PCDHGA1: variants seen among roughly 807,000 people sequenced by gnomAD.
PCDHGA1 encodes protocadherin gamma-A1.
A neutral mutation model predicts 58.0 loss-of-function variants in PCDHGA1; 32 were observed. That is an observed-to-expected ratio of 0.55 (90% confidence interval 0.42 to 0.74). The LOEUF is 0.74. PCDHGA1 is among the 30% of genes least tolerant of loss of function. PCDHGA1 has a pLI of 0.00. For synonymous variants in PCDHGA1, 498 were observed against 501.1 expected, an observed-to-expected ratio of 0.99 and a Z score of 0.08; for missense variants, 1,205 against 1,182.3, an observed-to-expected ratio of 1.02 and a Z score of -0.28.
chr5:141,421,965 C>T (rs775450008), intron 1 of PCDHGA1: 3 of 1,610,242 alleles, frequency 1.9e-6, no homozygotes, highest in Non-Finnish European at 2.5e-6. Context: ...TTACACAGTC[C>T]GTATATCGCG....
chr5:141,383,853 G>A (rs942698942), intron 1 of PCDHGA1: 7 of 1,613,828 alleles, frequency 4.3e-6, no homozygotes, highest in African/African-American at 2.7e-5. Flanking sequence ...ATGAAATGGA[G>A]GTTCAGGCTC....
Position 141,388,997 on chromosome 5 carries a change from C to G in PCDHGA1, c.2421+55892C>G. On this transcript the variant is annotated intron_variant, in intron 1 of 3. Transcript: ENST00000517417. ...ATATTGCTTTGCTCAAAGTCCGTGA[C>G]AAGGATTCCAGACACAATGGAGAAG... The G allele has an allele frequency of 1.9e-6, 3 of 1,613,968 alleles. No individual in the cohort carries two copies. The highest frequency in any genetic ancestry group is 2.5e-6 in the Non-Finnish European group (3 of 1,179,880).
intron 1 of PCDHGA1, chr5:141,355,392 C>T (rs1039208942): frequency 1.9e-5 from 30 of 1,614,084 alleles, no homozygotes; most frequent in Non-Finnish European, 2.5e-5. Flanking sequence ...AGCGCGGAGT[C>T]CGCATCGTCT....
intron 1 of PCDHGA1, chr5:141,341,124 G>C (rs780403624): frequency 3.7e-6 from 6 of 1,614,094 alleles, no homozygotes; most frequent in South Asian, 1.1e-5. Flanking sequence ...AGGCTGCGGC[G>C]CTGGCACAAG....
intron 1 of PCDHGA1, among the ~76,000 whole-genome samples, chr5:141,482,791 G>T (rs1039924143): frequency 2.6e-5 from 4 of 152,168 alleles, no homozygotes; most frequent in African/African-American, 9.7e-5. Flanking sequence ...TGTGTGTGTG[G>T]CCGGGTACGG....
chr5:141,408,058 G>A, intron 1 of PCDHGA1: 1 of 1,316,270 alleles, frequency 7.6e-7, no homozygotes. Flanking sequence ...GAGCCTCCCG[G>A]CTGCGCAGAC....
Position 141,383,339 on chromosome 5 carries a change from C to T in PCDHGA1, c.2421+50234C>T, listed in dbSNP as rs1244023518. ...AATGTAAAAATAATGGAGAATACAG[C>T]TCCTGGGGTTCGGTTTCCGTTAAGC... On this transcript the variant is annotated intron_variant, in intron 1 of 3. Transcript: ENST00000517417. The T allele has an allele frequency of 3.7e-6, 6 of 1,614,014 alleles. No homozygotes were observed. The highest frequency in any genetic ancestry group is 3.3e-5 in the Admixed American group (2 of 60,036).
intron 2 of PCDHGA1, among the ~76,000 whole-genome samples, chr5:141,504,948 T>C (rs1044527570): frequency 2.0e-5 from 3 of 152,080 alleles, no homozygotes; most frequent in Admixed American, 1.3e-4. Flanking sequence ...GAATGCACTA[T>C]GTTCAATGCA....
Position 141,477,426 on chromosome 5 carries a change from T to G in PCDHGA1, c.2422-17381T>G. 1 of 1,614,100 alleles carries G rather than the reference T, an allele frequency of 6.2e-7. No individual in the cohort carries two copies. Among genetic ancestry groups the G allele is most frequent in the East Asian group, 2.2e-5 (1 of 44,874 alleles). The stretch of plus-strand genomic sequence containing the variant: ...GCCCGAGACGCCGGAACCCCTTCCC[T>G]CTCAGCCCTTACAATAGTGCGTGTT... On this transcript the variant is annotated intron_variant, in intron 1 of 3. Coordinates refer to ENST00000517417, the MANE Select transcript of PCDHGA1 (RefSeq NM_018912.3). The surrounding 1 kb of genome is among the most constrained non-coding windows in gnomAD (Gnocchi z 4.9).
Position 141,485,784 on chromosome 5 carries a change from A to G in PCDHGA1, c.2422-9023A>G, listed in dbSNP as rs760859851. The G allele has an allele frequency of 1.9e-6, 3 of 1,614,096 alleles. No individual in the cohort carries two copies. The African/African-American group carries it at 4.0e-5, about 22-fold the overall frequency. On this transcript the variant is annotated intron_variant, in intron 1 of 3. Transcript: ENST00000517417. This position sits in a 1 kb window ranked among gnomAD's most constrained non-coding sequence, Gnocchi z 5.7. Reference sequence around the variant, plus strand: ...CTGGAGAAGCCTTTGGATCGAGAGAAGCAATCGGACTACCGCCTGGTGCTG... The same window carrying G: ...CTGGAGAAGCCTTTGGATCGAGAGAGGCAATCGGACTACCGCCTGGTGCTG...
intron 1 of PCDHGA1, chr5:141,408,227 C>G (rs771279344): frequency 1.9e-6 from 3 of 1,562,978 alleles, no homozygotes; most frequent in East Asian, 2.4e-5. Context: ...CGCGCAGAGG[C>G]GCCGGGCCGG....
chr5:141,398,905 A>G lies in PCDHGA1; in HGVS notation c.2421+65800A>G, dbSNP rs200564636. ...TCGGGAAAACGTGCCACCAGGCACC[A>G]CTGTGTTGCAAGTGTCAGCCACTGA... On this transcript the variant is annotated intron_variant, in intron 1 of 3. Coordinates refer to ENST00000517417, the MANE Select transcript of PCDHGA1 (RefSeq NM_018912.3). 1.2e-3 allele frequency: 1,935 copies of G among 1,613,984 alleles called. 4 individuals carry two copies. Among genetic ancestry groups the G allele is most frequent in the Middle Eastern group, 3.5e-3 (21 of 6,062 alleles).
Position 141,375,514 on chromosome 5 carries a change from G to A in PCDHGA1, c.2421+42409G>A, listed in dbSNP as rs1345928950. On this transcript the variant is annotated intron_variant, in intron 1 of 3. Transcript: ENST00000517417. The stretch of plus-strand genomic sequence containing the variant: ...CCTCCATCTTCTCTGTGAATGCACT[G>A]GACCCTGACGTGGACCAGAACGCCC... 3.1e-6 allele frequency: 5 copies of A among 1,613,836 alleles called. No homozygotes were observed. In the African/African-American group the frequency reaches 4.0e-5, roughly 13 times the overall value.
At chr5:141,399,856 G>A (rs1391939612) in intron 1 of PCDHGA1, 1 of 1,612,894 alleles carries the variant, frequency 6.2e-7, no homozygotes, top group Non-Finnish European at 8.5e-7. Flanking sequence ...GGTGCCGCGC[G>A]CTGCAGAGCC....
intron 1 of PCDHGA1, among the ~76,000 whole-genome samples, chr5:141,470,151 CT>C (rs746135943): frequency 7.2e-5 from 11 of 152,164 alleles, no homozygotes; most frequent in Non-Finnish European, 1.6e-4. Flanking sequence ...CATAGATCAT[CT>C]TATCAAATCA....
chr5:141,399,865 C>T, intron 1 of PCDHGA1: 1 of 1,612,866 alleles, frequency 6.2e-7, no homozygotes, highest in African/African-American at 1.3e-5. Flanking sequence ...CGCTGCAGAG[C>T]CCGGCTACCT....
chr5:141,435,444 A>G (rs1471113812), intron 1 of PCDHGA1, among the ~76,000 whole-genome samples: 1 of 152,216 alleles, frequency 6.6e-6, no homozygotes, highest in East Asian at 1.9e-4. Flanking sequence ...TTTCATTAAT[A>G]CGATATCTGT....
chr5:141,419,419 C>A (rs767018815), intron 1 of PCDHGA1: 1 of 1,613,384 alleles, frequency 6.2e-7, no homozygotes. Context: ...AGCGCGCCTT[C>A]GACCACGAGC....
At chr5:141,447,719 C>T (rs1333017511) in intron 1 of PCDHGA1, among the ~76,000 whole-genome samples, 2 of 152,226 alleles carry the variant, frequency 1.3e-5, no homozygotes, top group East Asian at 3.9e-4. Context: ...TACACATTTT[C>T]CAAAACTCAT....
Sources: gnomAD v4.1 joint callset for allele counts (sites outside exome capture counted in the v4.1 genomes callset) on GRCh38, gnomAD v4.1.1 for gene constraint, Gnocchi (gnomAD v3.1) non-coding constraint, MANE v1.5 for transcripts, NCBI Gene and HGNC (gene_info 2026-07-23, HGNC 2026-07-21) for gene names.